Variants in EIF5B observed in about 807,000 individuals in gnomAD.
The protein encoded by EIF5B is eukaryotic translation initiation factor 5B, also known as eIF-5B.
Under a neutral mutation model 147.5 loss-of-function variants are expected in EIF5B, and 47 were observed. The observed-to-expected ratio is 0.32, with a 90% CI of 0.25 to 0.41. The LOEUF is 0.41. Among genes scored for constraint, EIF5B ranks in the 10% least tolerant of loss-of-function variants. The probability of loss-of-function intolerance (pLI) is 1.00; values close to 1 mark genes in which losing one functional copy is unlikely to be tolerated. For missense variants in EIF5B, 1,064 were observed against 1,413.2 expected, an observed-to-expected ratio of 0.75 and a Z score of 3.96; for synonymous variants, 455 against 456.2, an observed-to-expected ratio of 1.00 and a Z score of 0.03.
chr2:99,346,589 C>CTTTTTTTTTT (rs773411395), intron 1 of EIF5B, among the ~76,000 whole-genome samples: 1 of 61,648 alleles, frequency 1.6e-5, no homozygotes, highest in African/African-American at 6.9e-5. Flanking sequence ...AGTTGTATCT[C>CTTTTTTTTTT]TTTTTTTTTT....
chr2:99,343,739 G>C (rs544120750), intron 1 of EIF5B, among the ~76,000 whole-genome samples: 12 of 151,606 alleles, frequency 7.9e-5, no homozygotes, highest in Non-Finnish European at 1.2e-4. Flanking sequence ...GCTTGAACCT[G>C]GAAGGCGGAG....
Position 99,379,511 on chromosome 2 carries a change from A to T in EIF5B, c.2061+83A>T, listed in dbSNP as rs553860878. On this transcript the variant is annotated intron_variant, in intron 12 of 23. Coordinates refer to ENST00000289371, the MANE Select transcript of EIF5B (RefSeq NM_015904.4). Reference sequence around the variant, plus strand: ...TTTCAAACATAGAAAAAGGACAGAGACTAGGATAACAGCTCCATATACTCA... The same window carrying T: ...TTTCAAACATAGAAAAAGGACAGAGTCTAGGATAACAGCTCCATATACTCA... The T allele has an allele frequency of 2.1e-4, 216 of 1,048,294 alleles. 1 individual carries two copies. The highest frequency in any genetic ancestry group is 1.9e-4 in the Non-Finnish European group (133 of 716,072). The allele number at this position is 1,048,294 out of a possible 1,614,324, so 64.9% of individuals were successfully genotyped here.
At chr2:99,384,860 G>A (rs2104235295) in intron 14 of EIF5B, among the ~76,000 whole-genome samples, 1 of 152,298 alleles carries the variant, frequency 6.6e-6, no homozygotes, top group Admixed American at 6.5e-5. Flanking sequence ...AAAGAAAGTG[G>A]TTTCTTGAGG....
chr2:99,350,032 A>G (rs1673894362), intron 1 of EIF5B, among the ~76,000 whole-genome samples: 1 of 152,222 alleles, frequency 6.6e-6, no homozygotes, highest in Admixed American at 6.5e-5. Flanking sequence ...TATGAATGAG[A>G]TCATGCAGTA....
At chr2:99,339,001 T>G (rs2094252292) in intron 1 of EIF5B, among the ~76,000 whole-genome samples, 1 of 144,674 alleles carries the variant, frequency 6.9e-6, no homozygotes, top group Non-Finnish European at 1.5e-5. Context: ...CAAATATATA[T>G]ATACATTTTT....
chr2:99,361,350 C>G lies in EIF5B; in HGVS notation c.449C>G (p.Ala150Gly). ...GATTTTAACAAACTTCCTAAAAAAG[C>G]TAAAGGGAAAGCTCAAAAATCAAAT... ...DDDFNKLPKK[A>G]KGKAQKSNKK... is the part of the protein sequence containing the mutation. Residue 150 changes from alanine to glycine, a missense_variant, in exon 4 of 24, where the codon GCT becomes GGT. Ala to Gly is a moderately conservative substitution (Grantham distance 60, BLOSUM62 0). Coordinates refer to ENST00000289371, the MANE Select transcript of EIF5B (RefSeq NM_015904.4). The G allele has an allele frequency of 6.2e-7, 1 of 1,610,528 alleles. No homozygotes were observed. Among genetic ancestry groups the G allele is most frequent in the Non-Finnish European group, 8.5e-7 (1 of 1,179,118 alleles).
At chr2:99,363,047 C>T (rs952899662) in intron 4 of EIF5B, among the ~76,000 whole-genome samples, 12 of 152,132 alleles carry the variant, frequency 7.9e-5, no homozygotes, top group African/African-American at 2.4e-4. Flanking sequence ...GTGTGAGCCA[C>T]CGTGCCCAGC....
At position 99,400,473 on chromosome 2, in the gene EIF5B, C is replaced by T. The variant is rs2104276440; in HGVS notation, c.*1059C>T. ...GGAAAAAGTTCCAAATATCCACTAG[C>T]ATAGAATTTTAAACTATTTTTATTT... On this transcript the variant is annotated 3_prime_UTR_variant, in exon 24 of 24. Transcript: ENST00000289371. 6.6e-6 allele frequency: 1 copy of T among 152,280 alleles called. No individual in the cohort carries two copies. The highest frequency in any genetic ancestry group is 1.5e-5 in the Non-Finnish European group (1 of 68,018). The allele number at this position is 152,280 out of a possible 1,614,324, so 9.4% of individuals were successfully genotyped here. A position where few individuals can be genotyped will look rare whatever the true frequency, so the allele number is the denominator to read the frequency against.
intron 22 of EIF5B, 99 bp downstream of exon 22, chr2:99,396,997 C>A: frequency 7.3e-7 from 1 of 1,364,884 alleles, no homozygotes; most frequent in Non-Finnish European, 9.8e-7. Context: ...GTTCACAGTA[C>A]TGTGCTGTGT....
At chr2:99,366,337 T>C (rs1674328394) in intron 6 of EIF5B, among the ~76,000 whole-genome samples, 1 of 152,180 alleles carries the variant, frequency 6.6e-6, no homozygotes, top group South Asian at 2.1e-4. Flanking sequence ...AGCCTACAGT[T>C]TCCCCTCAGG....
At position 99,359,551 on chromosome 2, in the gene EIF5B, G is replaced by A. The variant is rs557685837; in HGVS notation, c.36-685G>A. Among the ~76,000 whole-genome samples, 10 of 152,222 alleles carry A rather than the reference G, an allele frequency of 6.6e-5. No homozygotes were observed. In the South Asian group the frequency reaches 1.9e-3, roughly 28 times the overall value. On this transcript the variant is annotated intron_variant, in intron 1 of 23. Transcript: ENST00000289371. ...CTTCATTTTCTGTAGGTTTTAGCTGGAACTTAATTTGGTTTACTCCAAGTA... is the reference window on the plus strand; with the variant it reads ...CTTCATTTTCTGTAGGTTTTAGCTGAAACTTAATTTGGTTTACTCCAAGTA...
At chr2:99,365,964 T>C (rs567409022) in intron 6 of EIF5B, among the ~76,000 whole-genome samples, 5 of 152,284 alleles carry the variant, frequency 3.3e-5, no homozygotes, top group South Asian at 2.1e-4. Context: ...GTAAAACTTA[T>C]TCATTGAGCT....
At chr2:99,345,784 C>A (rs1044781443) in intron 1 of EIF5B, among the ~76,000 whole-genome samples, 4 of 150,706 alleles carry the variant, frequency 2.7e-5, no homozygotes, top group African/African-American at 7.3e-5. Flanking sequence ...ATCTCTACCC[C>A]CTAAAAAAAA....
intron 14 of EIF5B, among the ~76,000 whole-genome samples, chr2:99,383,778 C>T (rs1674739202): frequency 6.6e-6 from 1 of 152,128 alleles, no homozygotes; most frequent in African/African-American, 2.4e-5. Flanking sequence ...ACAAAAAAGC[C>T]TTCTATTGGC....
intron 17 of EIF5B, among the ~76,000 whole-genome samples, chr2:99,392,707 G>A (rs184020510): frequency 6.6e-6 from 1 of 152,002 alleles, no homozygotes; most frequent in East Asian, 1.9e-4. Flanking sequence ...ATTTATATGC[G>A]CTTATATATT....
chr2:99,381,227 C>A (rs1368477077), intron 12 of EIF5B, among the ~76,000 whole-genome samples: 1 of 152,120 alleles, frequency 6.6e-6, no homozygotes. Context: ...ACACCTTATT[C>A]CACCAGTTGC....
chr2:99,350,329 T>C (rs1403016224), intron 1 of EIF5B, among the ~76,000 whole-genome samples: 2 of 152,226 alleles, frequency 1.3e-5, no homozygotes, highest in Non-Finnish European at 2.9e-5. Flanking sequence ...TGTTAGATTA[T>C]ATGATAGTTC....
intron 8 of EIF5B, among the ~76,000 whole-genome samples, chr2:99,370,518 A>G (rs1435688091): frequency 6.6e-6 from 1 of 152,226 alleles, no homozygotes; most frequent in East Asian, 1.9e-4. Context: ...TAGCACTGAT[A>G]TGACGAGATT....
At chr2:99,386,472 T>C (rs1206556098) in intron 14 of EIF5B, among the ~76,000 whole-genome samples, 6 of 23,754 alleles carry the variant, frequency 2.5e-4, no homozygotes, top group African/African-American at 2.2e-3. Flanking sequence ...GTTTTGCGTG[T>C]GTGTGTGTGT....
Sources: gnomAD v4.1 joint callset for allele counts (sites outside exome capture counted in the v4.1 genomes callset) on GRCh38, gnomAD v4.1.1 for gene constraint, MANE v1.5 for transcripts, NCBI Gene and HGNC (gene_info 2026-07-23, HGNC 2026-07-21) for gene names.